STK33: variants seen among roughly 807,000 people sequenced by gnomAD.
The protein encoded by STK33 is serine/threonine-protein kinase 33.
STK33 carries 52 observed loss-of-function variants against 58.0 expected under a neutral mutation model. That is an observed-to-expected ratio of 0.90 (90% CI 0.72 to 1.13). The LOEUF (loss-of-function observed/expected upper bound fraction) is 1.13, where lower values mean the gene tolerates loss of function less well. STK33 is among the 50% of genes most tolerant of loss of function. STK33 has a pLI of 0.00. For synonymous variants in STK33, 215 were observed against 200.1 expected (o/e 1.07, Z -0.63); for missense variants, 630 against 604.2 (o/e 1.04, Z -0.45).
intron 15 of STK33, among the ~76,000 whole-genome samples, chr11:8,405,925 G>A (rs1345220852): frequency 3.9e-5 from 6 of 151,944 alleles, no homozygotes; most frequent in Non-Finnish European, 2.9e-5. Flanking sequence ...GGCGGATCAC[G>A]AGGTCAGGAG....
At chr11:8,583,272 T>G (rs945856382) in intron 1 of STK33, among the ~76,000 whole-genome samples, 1 of 152,164 alleles carries the variant, frequency 6.6e-6, no homozygotes. Flanking sequence ...CTTCATATCA[T>G]TTAAAGGTCT....
chr11:8,442,086 G>A (rs914562962), intron 11 of STK33, among the ~76,000 whole-genome samples: 6 of 149,564 alleles, frequency 4.0e-5, no homozygotes, highest in African/African-American at 1.5e-4. Flanking sequence ...ACTACTAAAA[G>A]CAAATGGAAT....
At chr11:8,520,099 A>C (rs1591597975) in intron 1 of STK33, among the ~76,000 whole-genome samples, 1 of 152,226 alleles carries the variant, frequency 6.6e-6, no homozygotes, top group East Asian at 1.9e-4. Flanking sequence ...CCTCAATAAA[A>C]TACTGGCAAA....
chr11:8,539,168 G>T (rs963972758), intron 1 of STK33, among the ~76,000 whole-genome samples: 1 of 151,894 alleles, frequency 6.6e-6, no homozygotes, highest in African/African-American at 2.4e-5. Flanking sequence ...AAACAATAAT[G>T]ACTTTCTGAA....
chr11:8,412,994 A>G (rs1452235171), intron 15 of STK33, among the ~76,000 whole-genome samples: 4 of 152,250 alleles, frequency 2.6e-5, no homozygotes, highest in Non-Finnish European at 5.9e-5. Flanking sequence ...TTCAGACACA[A>G]ATAACTGAAT....
chr11:8,505,006 G>C (rs996116304), intron 1 of STK33, among the ~76,000 whole-genome samples: 2 of 152,154 alleles, frequency 1.3e-5, no homozygotes, highest in African/African-American at 4.8e-5. Flanking sequence ...CCACAGCAGT[G>C]ATGGCAGCTT....
At chr11:8,585,222 A>ATTT (rs34448251) in intron 1 of STK33, among the ~76,000 whole-genome samples, 1,842 of 89,300 alleles carry the variant, frequency 0.021, 131 homozygotes, top group African/African-American at 0.046. Flanking sequence ...TGCACCCAGC[A>ATTT]TTTTTTTTTT....
chr11:8,366,149 T>C, the STK33 span, among the ~76,000 whole-genome samples: 16 of 152,132 alleles, frequency 1.1e-4, no homozygotes, highest in Admixed American at 1.3e-4. Flanking sequence ...AGAGAAGAAG[T>C]TGCTGAAGCA....
At chr11:8,507,825 C>A (rs1346825341) in intron 1 of STK33, among the ~76,000 whole-genome samples, 1 of 152,172 alleles carries the variant, frequency 6.6e-6, no homozygotes, top group Non-Finnish European at 1.5e-5. Flanking sequence ...TTGAGTATTT[C>A]TCAAAAGCTT....
At chr11:8,530,552 T>A (rs906580111) in intron 1 of STK33, among the ~76,000 whole-genome samples, 1 of 151,466 alleles carries the variant, frequency 6.6e-6, no homozygotes, top group African/African-American at 2.4e-5. Flanking sequence ...AATGCTGTGA[T>A]AAAAAGAATA....
At position 8,558,446 on chromosome 11, in the gene STK33, T is replaced by C. The variant is rs1956911592; in HGVS notation, c.-466+35637A>G. On this transcript the variant is annotated intron_variant, in intron 1 of 15. Transcript: ENST00000687296. ...ACACACGAAACCTAATAAAAAATCA[T>C]AGCATTTTTGTATATGTTAAATGGT... Among the ~76,000 whole-genome samples the C allele has an allele frequency of 2.0e-5, 3 of 151,752 alleles. No homozygotes were observed. In the South Asian group the frequency reaches 6.2e-4, roughly 32 times the overall value.
chr11:8,553,045 A>G (rs1370955317), intron 1 of STK33, among the ~76,000 whole-genome samples: 1 of 150,288 alleles, frequency 6.7e-6, no homozygotes, highest in Non-Finnish European at 1.5e-5. Flanking sequence ...AGTCCCAGAT[A>G]CTCAGGAAGC....
chr11:8,420,660 C>T (rs1271081647), intron 14 of STK33, among the ~76,000 whole-genome samples: 2 of 152,134 alleles, frequency 1.3e-5, no homozygotes, highest in African/African-American at 4.8e-5. Context: ...CATTCCCTTG[C>T]TTTTGTTTTG....
At chr11:8,448,315 A>G (rs1322103103) in intron 11 of STK33, among the ~76,000 whole-genome samples, 1 of 151,902 alleles carries the variant, frequency 6.6e-6, no homozygotes, top group Non-Finnish European at 1.5e-5. Context: ...AAAAGAGCCC[A>G]CATTGCCAAG....
chr11:8,363,190 C>T, the STK33 span, among the ~76,000 whole-genome samples: 2 of 151,942 alleles, frequency 1.3e-5, no homozygotes, highest in South Asian at 2.1e-4. Flanking sequence ...TTACTGGGGG[C>T]GGGCGAGGGA....
At chr11:8,512,023 T>C (rs1257909213) in intron 1 of STK33, among the ~76,000 whole-genome samples, 1 of 152,202 alleles carries the variant, frequency 6.6e-6, no homozygotes, top group Non-Finnish European at 1.5e-5. Flanking sequence ...GTGCAAATGA[T>C]TCCTTCTGCG....
chr11:8,477,523 G>T (rs1949395826), intron 2 of STK33, among the ~76,000 whole-genome samples: 1 of 152,078 alleles, frequency 6.6e-6, no homozygotes, highest in South Asian at 2.1e-4. Context: ...TAACGTACAG[G>T]TTTATTTAAC....
In STK33 at chr11:8,546,987, T is replaced by C. The variant is rs117585244; in HGVS notation, c.-466+47096A>G. On this transcript the variant is annotated intron_variant, in intron 1 of 15. Coordinates refer to ENST00000687296, the MANE Select transcript of STK33 (RefSeq NM_001352389.2). ...ACTATTTTTAGTTTTCTGAGGAACC[T>C]CCATACTGTTTCCATGATGGATGTA... Among the ~76,000 whole-genome samples the C allele has an allele frequency of 4.9e-3, 745 of 152,268 alleles. 6 individuals carry two copies. The highest frequency in any genetic ancestry group is 6.8e-3 in the Non-Finnish European group (463 of 68,016).
intron 7 of STK33, among the ~76,000 whole-genome samples, chr11:8,463,679 C>G (rs140250156): frequency 2.8e-4 from 42 of 152,276 alleles, no homozygotes; most frequent in Non-Finnish European, 4.4e-4. Context: ...CAATATTACA[C>G]TATTCACTTC....
Sources: gnomAD v4.1 joint callset for allele counts (sites outside exome capture counted in the v4.1 genomes callset) on GRCh38, gnomAD v4.1.1 for gene constraint, MANE v1.5 for transcripts, NCBI Gene and HGNC (gene_info 2026-07-23, HGNC 2026-07-21) for gene names.